The following FTO variants were observed in gnomAD, a reference collection of about 807,000 sequenced individuals.
The protein encoded by FTO is FTO alpha-ketoglutarate dependent dioxygenase.
FTO carries 47 observed loss-of-function variants against 63.9 expected under a neutral mutation model. The ratio of observed to expected loss-of-function variants is 0.74; its 90% CI spans 0.58 to 0.94. The LOEUF is 0.94. FTO is among the 40% of genes least tolerant of loss of function. The pLI is 0.00. For synonymous variants in FTO, 207 were observed against 224.4 expected (o/e 0.92, Z 0.69); for missense variants, 562 against 618.1 (o/e 0.91, Z 0.96).
intron 8 of FTO, among the ~76,000 whole-genome samples, chr16:53,985,396 C>T (rs1241017694): frequency 6.6e-6 from 1 of 152,132 alleles, no homozygotes; most frequent in African/African-American, 2.4e-5. Context: ...TATCGCAGAT[C>T]CAGAGGCAGG....
intron 8 of FTO, chr16:53,993,416 G>T (rs1200259254): frequency 6.6e-6 from 1 of 152,128 alleles, no homozygotes; most frequent in Non-Finnish European, 1.5e-5. Context: ...CAGGGACTCT[G>T]CCCATTAGTC....
intron 1 of FTO, among the ~76,000 whole-genome samples, chr16:53,807,202 G>A (rs2078396560): frequency 6.6e-6 from 1 of 152,164 alleles, no homozygotes; most frequent in South Asian, 2.1e-4. Context: ...ATTTTTATCT[G>A]TAGGGTCTTA....
At position 53,835,880 on chromosome 16, in the gene FTO, CCTGT is replaced by C. The variant is rs544345693; in HGVS notation, c.752-8272_752-8269del. ...TCTGGGAGATTTTATTAACTTCCAA[CCTGT>C]CTATTGATTTTTTTTTTTTTTTTGA... On this transcript the variant is annotated intron_variant, in intron 3 of 8. Transcript: ENST00000471389. 1.6e-4 allele frequency among the ~76,000 whole-genome samples: 23 copies of C among 146,824 alleles called. 2 individuals are homozygous for C. The East Asian group carries it at 3.4e-3, about 22-fold the overall frequency.
chr16:53,811,112 C>G (rs2078508445), intron 2 of FTO, among the ~76,000 whole-genome samples: 2 of 152,174 alleles, frequency 1.3e-5, no homozygotes, highest in African/African-American at 4.8e-5. Flanking sequence ...TGCACCTACT[C>G]TTGGAGTGGG....
At chr16:53,988,055 A>G (rs187731665) in intron 8 of FTO, among the ~76,000 whole-genome samples, 268 of 152,302 alleles carry the variant, frequency 1.8e-3, no homozygotes, top group Non-Finnish European at 3.2e-3. Flanking sequence ...GCCTGTTAAT[A>G]GGATTTATAA....
At chr16:53,713,690 T>A (rs973280124) in intron 1 of FTO, among the ~76,000 whole-genome samples, 6 of 152,186 alleles carry the variant, frequency 3.9e-5, no homozygotes, top group African/African-American at 1.4e-4. Flanking sequence ...AACCTTGAAT[T>A]GGTGCCATGG....
At chr16:54,074,841 A>C (rs1001521177) in intron 8 of FTO, among the ~76,000 whole-genome samples, 1 of 151,950 alleles carries the variant, frequency 6.6e-6, no homozygotes, top group Non-Finnish European at 1.5e-5. Flanking sequence ...AGGCTCCCCA[A>C]GTAGCCAGTG....
chr16:53,821,369 G>A (rs1384168899), intron 2 of FTO, among the ~76,000 whole-genome samples: 1 of 152,144 alleles, frequency 6.6e-6, no homozygotes, highest in Admixed American at 6.5e-5. Context: ...TGGGGCCTCA[G>A]GGACTTGCTA....
chr16:53,788,041 T>C (rs966737601), intron 1 of FTO, among the ~76,000 whole-genome samples: 1 of 152,180 alleles, frequency 6.6e-6, no homozygotes, highest in African/African-American at 2.4e-5. Context: ...GCAGGATTGG[T>C]GTTGAAGATC....
At chr16:53,906,378 G>A (rs1466937511) in intron 7 of FTO, among the ~76,000 whole-genome samples, 1 of 152,162 alleles carries the variant, frequency 6.6e-6, no homozygotes, top group African/African-American at 2.4e-5. Context: ...TTGATTGAAC[G>A]GACGAATATA....
At chr16:53,757,207 C>A (rs2076944904) in intron 1 of FTO, among the ~76,000 whole-genome samples, 1 of 152,122 alleles carries the variant, frequency 6.6e-6, no homozygotes, top group African/African-American at 2.4e-5. Flanking sequence ...TATGCATTAT[C>A]TCACATACTT....
At chr16:53,978,869 C>T (rs772382909) in intron 8 of FTO, among the ~76,000 whole-genome samples, 1 of 151,968 alleles carries the variant, frequency 6.6e-6, no homozygotes, top group African/African-American at 2.4e-5. Context: ...TGGTGGCACA[C>T]GTGCCTGTAA....
chr16:54,053,321 G>A (rs1002720627), intron 8 of FTO, among the ~76,000 whole-genome samples: 8 of 152,060 alleles, frequency 5.3e-5, no homozygotes, highest in South Asian at 2.1e-4. Flanking sequence ...CTCCATGCCC[G>A]CTCCATGTCT....
At chr16:53,716,525 G>A (rs997267826) in intron 1 of FTO, among the ~76,000 whole-genome samples, 4 of 152,018 alleles carry the variant, frequency 2.6e-5, no homozygotes, top group African/African-American at 9.7e-5. Flanking sequence ...GATCATAATA[G>A]TTGTGAAGAT....
chr16:54,048,342 A>G (rs1717101728), intron 8 of FTO, among the ~76,000 whole-genome samples: 1 of 151,362 alleles, frequency 6.6e-6, no homozygotes, highest in Non-Finnish European at 1.5e-5. Flanking sequence ...GTTGGCTGCC[A>G]TCTGGGTAGG....
chr16:53,719,640 T>G lies in FTO; in HGVS notation c.45+15411T>G, dbSNP rs970527164. Among the ~76,000 whole-genome samples the G allele has an allele frequency of 2.5e-4, 38 of 151,570 alleles. 1 individual carries two copies. Among genetic ancestry groups the G allele is most frequent in the Non-Finnish European group, 4.0e-4 (27 of 67,856 alleles). ...ATATTTGCTGGTAGTCTGTTTTTTT[T>G]TTTTTTTTTTAAACAAGCTCTTGAA... On this transcript the variant is annotated intron_variant, in intron 1 of 8. Coordinates refer to ENST00000471389, the MANE Select transcript of FTO (RefSeq NM_001080432.3).
chr16:53,853,416 C>G (rs905985489), intron 4 of FTO, among the ~76,000 whole-genome samples: 1 of 151,434 alleles, frequency 6.6e-6, no homozygotes, highest in African/African-American at 2.4e-5. Flanking sequence ...TACCTGTCAC[C>G]TGAGTAGTAT....
At chr16:53,962,209 T>C (rs934120025) in intron 8 of FTO, among the ~76,000 whole-genome samples, 4 of 152,222 alleles carry the variant, frequency 2.6e-5, no homozygotes, top group African/African-American at 9.6e-5. Flanking sequence ...TTTGTATGCT[T>C]AGCTTGTGGT....
At position 53,815,032 on chromosome 16, in the gene FTO, C is replaced by T. The variant is rs117024964; in HGVS notation, c.123+4815C>T. On this transcript the variant is annotated intron_variant, in intron 2 of 8. Transcript: ENST00000471389. ...TACTTGACAGGAAAAGCACCCGAGG[C>T]CAACATACCTGGAGCAGAGGGAGAC... Among the ~76,000 whole-genome samples the T allele has an allele frequency of 3.7e-3, 562 of 151,766 alleles. 11 individuals are homozygous for T. Among genetic ancestry groups the T allele is most frequent in the Admixed American group, 0.03 (453 of 15,216 alleles).
Sources: gnomAD v4.1 joint callset for allele counts (sites outside exome capture counted in the v4.1 genomes callset) on GRCh38, gnomAD v4.1.1 for gene constraint, MANE v1.5 for transcripts, NCBI Gene and HGNC (gene_info 2026-07-23, HGNC 2026-07-21) for gene names.